The following THRB variants were observed in gnomAD, a reference collection of about 807,000 sequenced individuals.
THRB encodes thyroid hormone receptor beta, also known as nuclear receptor subfamily 1 group A member 2.
THRB carries 12 observed loss-of-function variants against 47.8 expected under a neutral mutation model. The observed-to-expected ratio is 0.25, with a 90% CI of 0.16 to 0.41. The LOEUF (loss-of-function observed/expected upper bound fraction) is 0.41. Among genes scored for constraint, THRB ranks in the 10% least tolerant of loss-of-function variants. The pLI, the probability that THRB is intolerant of heterozygous loss-of-function variation, is 1.00. For missense variants in THRB, 348 were observed against 589.2 expected (o/e 0.59, Z 4.24); for synonymous variants, 218 against 212.2 (o/e 1.03, Z -0.24).
chr3:24,459,686 G>A (rs1351518720), intron 1 of THRB, among the ~76,000 whole-genome samples: 4 of 152,086 alleles, frequency 2.6e-5, no homozygotes, highest in Non-Finnish European at 4.4e-5. Flanking sequence ...TCTCATTGGG[G>A]TTTTGATTTG....
chr3:24,307,184 C>T (rs2057410507), intron 2 of THRB, among the ~76,000 whole-genome samples: 1 of 152,000 alleles, frequency 6.6e-6, no homozygotes, highest in South Asian at 2.1e-4. Flanking sequence ...GTATGCTGAA[C>T]ACTATCTGAA....
At chr3:24,241,315 T>C (rs2049475429) in intron 3 of THRB, among the ~76,000 whole-genome samples, 1 of 152,172 alleles carries the variant, frequency 6.6e-6, no homozygotes, top group African/African-American at 2.4e-5. Flanking sequence ...GGCCCAATAA[T>C]GCGTACTTAG....
chr3:24,220,346 C>G (rs2047026382), intron 4 of THRB, among the ~76,000 whole-genome samples: 1 of 152,070 alleles, frequency 6.6e-6, no homozygotes. Context: ...CAAAAATTAG[C>G]TAGGTGTGGT....
chr3:24,396,925 T>C (rs894364719), intron 1 of THRB, among the ~76,000 whole-genome samples: 2 of 152,126 alleles, frequency 1.3e-5, no homozygotes, highest in African/African-American at 4.8e-5. Context: ...AAATGTTGAA[T>C]GACCAACTGC....
At chr3:24,435,401 A>G (rs1357869696) in intron 1 of THRB, among the ~76,000 whole-genome samples, 4 of 152,134 alleles carry the variant, frequency 2.6e-5, no homozygotes, top group Non-Finnish European at 5.9e-5. Context: ...ATGCGGAAAG[A>G]TGGACATGGA....
intron 2 of THRB, among the ~76,000 whole-genome samples, chr3:24,324,825 A>G (rs2058705548): frequency 6.6e-6 from 1 of 152,190 alleles, no homozygotes. Flanking sequence ...CTTATTCCTG[A>G]TTTCCAGAAA....
intron 3 of THRB, among the ~76,000 whole-genome samples, chr3:24,295,174 G>A (rs1470905001): frequency 6.6e-6 from 1 of 152,186 alleles, no homozygotes. Flanking sequence ...CATAGGCACA[G>A]CATTGTATTA....
chr3:24,331,465 C>T (rs2061924803), intron 2 of THRB, among the ~76,000 whole-genome samples: 2 of 152,302 alleles, frequency 1.3e-5, no homozygotes, highest in South Asian at 4.1e-4. Flanking sequence ...GTCATCTTTA[C>T]AATTTCTCCT....
chr3:24,151,323 C>T (rs909777753), intron 6 of THRB, among the ~76,000 whole-genome samples: 1 of 152,098 alleles, frequency 6.6e-6, no homozygotes, highest in East Asian at 1.9e-4. Context: ...ACTGAGCTAA[C>T]ATGTTGATTT....
chr3:24,362,295 T>C (rs2064133105), intron 1 of THRB, among the ~76,000 whole-genome samples: 1 of 152,064 alleles, frequency 6.6e-6, no homozygotes, highest in African/African-American at 2.4e-5. Context: ...CACCTCCTAC[T>C]CCTCTTCCCC....
intron 1 of THRB, among the ~76,000 whole-genome samples, chr3:24,471,744 C>G (rs1015037169): frequency 1.3e-5 from 2 of 152,190 alleles, no homozygotes; most frequent in African/African-American, 4.8e-5. Context: ...ACATCTCATG[C>G]ATATGGTTGT....
chr3:24,445,524 A>G (rs926648285), intron 1 of THRB, among the ~76,000 whole-genome samples: 2 of 152,228 alleles, frequency 1.3e-5, no homozygotes, highest in Non-Finnish European at 2.9e-5. Flanking sequence ...TAACATCTCA[A>G]TGGATAAATG....
intron 8 of THRB, 99 bp downstream of exon 8, chr3:24,143,402 A>G (rs2035688423): frequency 1.7e-6 from 2 of 1,173,910 alleles, no homozygotes; most frequent in African/African-American, 1.5e-5. Context: ...CAGTAAAATG[A>G]GGCAATAACA....
chr3:24,355,717 C>T (rs2063631374), intron 1 of THRB, among the ~76,000 whole-genome samples: 2 of 152,118 alleles, frequency 1.3e-5, no homozygotes, highest in African/African-American at 4.8e-5. Flanking sequence ...GGCAGTGAGG[C>T]TCAGTGCATT....
chr3:24,417,442 T>G (rs1322236452), intron 1 of THRB, among the ~76,000 whole-genome samples: 1 of 151,904 alleles, frequency 6.6e-6, no homozygotes, highest in African/African-American at 2.4e-5. Flanking sequence ...TTCCAACTAC[T>G]GTGTTTGCAA....
chr3:24,146,526 T>C (rs1162648618), intron 7 of THRB, 149 bp downstream of exon 7: 1 of 817,538 alleles, frequency 1.2e-6, no homozygotes, highest in Non-Finnish European at 2.0e-6. Context: ...AGCCTGGATG[T>C]GGGGAGTGAG....
chr3:24,448,606 A>G lies in THRB; in HGVS notation c.-261+46046T>C, dbSNP rs537895856. ...TGTATACCTCCCATCTTGACAACCT[A>G]AAAGTTCATTCTCTGAACATAAACA... On this transcript the variant is annotated intron_variant, in intron 1 of 10. Transcript: ENST00000646209. Among the ~76,000 whole-genome samples, 105 of 152,300 alleles carry G rather than the reference A, an allele frequency of 6.9e-4. 2 individuals carry two copies. The highest frequency in any genetic ancestry group is 2.5e-3 in the African/African-American group (103 of 41,578).
intron 5 of THRB, among the ~76,000 whole-genome samples, chr3:24,185,934 G>T (rs2042516138): frequency 6.6e-6 from 1 of 152,144 alleles, no homozygotes; most frequent in Non-Finnish European, 1.5e-5. Flanking sequence ...CAAGTCCCAG[G>T]GTGATCTGTT....
chr3:24,413,571 GA>G (rs1426006930), intron 1 of THRB, among the ~76,000 whole-genome samples: 9 of 151,204 alleles, frequency 6.0e-5, no homozygotes, highest in Admixed American at 5.3e-4. Context: ...TTTCATCTCT[GA>G]TTTTTTTTAT....
Sources: gnomAD v4.1 joint callset for allele counts (sites outside exome capture counted in the v4.1 genomes callset) on GRCh38, gnomAD v4.1.1 for gene constraint, MANE v1.5 for transcripts, NCBI Gene and HGNC (gene_info 2026-07-23, HGNC 2026-07-21) for gene names.